The following DOP1B variants were observed in gnomAD, a reference collection of about 807,000 sequenced individuals.
DOP1B encodes protein DOP1B.
DOP1B carries 174 observed loss-of-function variants against 233.5 expected under a neutral mutation model. The observed-to-expected ratio is 0.75, with a 90% CI of 0.66 to 0.85. The LOEUF is 0.85. DOP1B is among the 40% of genes least tolerant of loss of function. DOP1B has a pLI of 0.00. For missense variants in DOP1B, 2,652 were observed against 2,846.6 expected, an observed-to-expected ratio of 0.93 and a Z score of 1.56; for synonymous variants, 1,190 against 1,185.6, an observed-to-expected ratio of 1.00 and a Z score of -0.08.
At chr21:36,254,225 G>A (rs1025477176) in intron 23 of DOP1B, among the ~76,000 whole-genome samples, 7 of 152,138 alleles carry the variant, frequency 4.6e-5, no homozygotes, top group Admixed American at 2.0e-4. Flanking sequence ...TTAGAAAGAG[G>A]AAATGGCACC....
chr21:36,257,630 ATAGATAGATAG>A (rs2067116991), intron 23 of DOP1B, among the ~76,000 whole-genome samples: 1 of 152,156 alleles, frequency 6.6e-6, no homozygotes, highest in Non-Finnish European at 1.5e-5. Context: ...AGATAGATAG[ATAGATAGATAG>A]AAGTAGTTAG....
chr21:36,194,327 G>C (rs1475939947), intron 2 of DOP1B, among the ~76,000 whole-genome samples: 2 of 152,148 alleles, frequency 1.3e-5, no homozygotes, highest in African/African-American at 2.4e-5. Flanking sequence ...GCTTGAACCT[G>C]TATGCTTGAG....
intron 19 of DOP1B, 68 bp from the exon 20 acceptor site, chr21:36,247,449 G>A (rs925578985): frequency 1.5e-5 from 17 of 1,119,616 alleles, no homozygotes; most frequent in Non-Finnish European, 2.2e-5. Flanking sequence ...TTTATATATA[G>A]GATTAGAAAC....
intron 18 of DOP1B, among the ~76,000 whole-genome samples, chr21:36,244,525 A>G (rs546215195): frequency 6.6e-6 from 1 of 152,092 alleles, no homozygotes; most frequent in African/African-American, 2.4e-5. Flanking sequence ...CCTGGGTTCA[A>G]ATGATTCTCC....
Position 36,164,883 on chromosome 21 carries a change from G to T in DOP1B, c.138+12G>T. The T allele has an allele frequency of 1.3e-6, 2 of 1,561,882 alleles. No homozygotes were observed. The highest frequency in any genetic ancestry group is 1.7e-6 in the Non-Finnish European group (2 of 1,156,018). On this transcript the variant is annotated intron_variant, in intron 2 of 36. Coordinates refer to ENST00000691173, the MANE Select transcript of DOP1B (RefSeq NM_001320714.2). ...GCAAACTCAACAAGGTATGTAGGGT[G>T]TATCCTATTTGGATTGCATGGAGGT...
rs140658958 is a variant in DOP1B at position 36,204,753 on chromosome 21, C to T, written c.492-3962C>T. ...CACTGCAACCTCCACCTCCCGGGTA[C>T]AAGCGATTCTCCTCCCTCAGCCTCC... On this transcript the variant is annotated intron_variant, in intron 4 of 36. Transcript: ENST00000691173. Among the ~76,000 whole-genome samples the T allele has an allele frequency of 3.6e-3, 539 of 151,424 alleles. 7 individuals are homozygous for T. Among genetic ancestry groups the T allele is most frequent in the African/African-American group, 0.013 (526 of 41,264 alleles).
In DOP1B at chr21:36,289,080, T is replaced by C. The variant is rs753607150; in HGVS notation, c.6389T>C (p.Val2130Ala). 2.4e-5 allele frequency: 38 copies of C among 1,612,816 alleles called. No homozygotes were observed. In the African/African-American group the frequency reaches 4.3e-4, roughly 18 times the overall value. ...AAAGTAAACAGAACGAAAGTTTCAG[T>C]CCCGGATGCAAATGGACCCTCAGTG... ...TNKVNRTKVS[V>A]PDANGPSVGE... The change falls in exon 35 of 37, where the codon GTC becomes GCC. Residue 2130 changes from valine (V) to alanine (A), a missense_variant. Physicochemically the swap from Val to Ala is moderately conservative, Grantham distance 64. This residue lies in a region of DOP1B where 2,617 missense variants were observed against 2,794.3 expected (regional missense o/e 0.94). Transcript: ENST00000691173.
chr21:36,268,464 A>G (rs2067253920), intron 26 of DOP1B, among the ~76,000 whole-genome samples: 3 of 152,166 alleles, frequency 2.0e-5, no homozygotes. Context: ...TTGTTCAAAC[A>G]CACGTTTTAC....
At chr21:36,214,259 G>T in intron 8 of DOP1B, 69 bp downstream of exon 8, 1 of 1,416,258 alleles carries the variant, frequency 7.1e-7, no homozygotes, top group East Asian at 2.3e-5. Context: ...TCTTTGGGAG[G>T]CTTCCACATA....
intron 2 of DOP1B, among the ~76,000 whole-genome samples, chr21:36,190,005 G>A (rs111584059): frequency 0.42 from 52,764 of 124,890 alleles, 10,258 homozygotes; most frequent in Admixed American, 0.47. Context: ...GCGATACTCC[G>A]TCTCAAAAAA....
intron 18 of DOP1B, among the ~76,000 whole-genome samples, chr21:36,240,631 A>C (rs988261571): frequency 6.6e-6 from 1 of 152,254 alleles, no homozygotes; most frequent in Non-Finnish European, 1.5e-5. Context: ...TAAACCTTTC[A>C]GTTCAGAGAA....
At chr21:36,205,218 C>T (rs1445690504) in intron 4 of DOP1B, among the ~76,000 whole-genome samples, 2 of 152,234 alleles carry the variant, frequency 1.3e-5, no homozygotes, top group African/African-American at 4.8e-5. Context: ...GTGCCCGGCC[C>T]ATGCCACTCA....
At chr21:36,263,898 C>T (rs1248982536) in intron 26 of DOP1B, 84 bp downstream of exon 26, 15 of 1,301,862 alleles carry the variant, frequency 1.2e-5, no homozygotes, top group Non-Finnish European at 1.5e-5. Context: ...AGCAGGTAGA[C>T]AAGAGACATT....
intron 2 of DOP1B, among the ~76,000 whole-genome samples, chr21:36,166,998 A>G (rs2065917384): frequency 6.6e-6 from 1 of 152,208 alleles, no homozygotes; most frequent in Non-Finnish European, 1.5e-5. Flanking sequence ...TTACAGCTCT[A>G]TCTCAGGAAT....
chr21:36,189,423 T>A (rs1164903443), intron 2 of DOP1B, among the ~76,000 whole-genome samples: 1 of 152,228 alleles, frequency 6.6e-6, no homozygotes, highest in Non-Finnish European at 1.5e-5. Flanking sequence ...CTTTTTAAAT[T>A]TTTTTAGCAC....
In DOP1B at chr21:36,264,458, T is replaced by C. The variant is rs2067210503; in HGVS notation, c.5487+644T>C. The stretch of plus-strand genomic sequence containing the variant: ...AGCTATCTCCATACATGGATATTTC[T>C]TTTTTTCTTTTTTTTTTTTTTGGGC... On this transcript the variant is annotated intron_variant, in intron 26 of 36. Transcript: ENST00000691173. Among the ~76,000 whole-genome samples the C allele has an allele frequency of 2.0e-5, 3 of 151,742 alleles. No individual in the cohort carries two copies. In the South Asian group the frequency reaches 6.2e-4, roughly 31 times the overall value.
At position 36,263,578 on chromosome 21, in the gene DOP1B, C is replaced by T. The variant is rs772305824; in HGVS notation, c.5348C>T (p.Ser1783Phe). The T allele has an allele frequency of 6.2e-7, 1 of 1,614,188 alleles. No individual in the cohort carries two copies. Among genetic ancestry groups the T allele is most frequent in the Non-Finnish European group, 8.5e-7 (1 of 1,180,042 alleles). The change falls in exon 25 of 37, where the codon TCT (serine) becomes TTT (phenylalanine). Residue 1783 changes from serine (S) to phenylalanine (F), a missense_variant. Around this residue, in one of 3 missense-constraint regions of DOP1B, gnomAD observed 2,617 missense variants for 2,794.3 expected, o/e 0.94. Transcript: ENST00000691173. ...GTACCAGCCTTGCAAGAGAACTTTTCTTCACTGTTGGGAGTATTGAAAGAG... is the reference window on the plus strand; with the variant it reads ...GTACCAGCCTTGCAAGAGAACTTTTTTTCACTGTTGGGAGTATTGAAAGAG... ...LPVPALQENF[S>F]SLLGVLKESV...
chr21:36,177,980 A>G (rs955770518), intron 2 of DOP1B, among the ~76,000 whole-genome samples: 1 of 151,692 alleles, frequency 6.6e-6, no homozygotes, highest in Non-Finnish European at 1.5e-5. Context: ...CACTATATAA[A>G]TTCTCCCAAG....
rs180878997 is a variant in DOP1B at position 36,197,998 on chromosome 21, C to T, written c.139-1072C>T. Among the ~76,000 whole-genome samples, 1,382 of 141,116 alleles carry T rather than the reference C, an allele frequency of 9.8e-3. 21 individuals carry two copies. Among genetic ancestry groups the T allele is most frequent in the African/African-American group, 0.033 (1,262 of 37,914 alleles). The allele number at this position is 141,116 out of a possible 152,430, so 92.6% of individuals were successfully genotyped here. A position where few individuals can be genotyped will look rare whatever the true frequency, so the allele number is the denominator to read the frequency against. On this transcript the variant is annotated intron_variant, in intron 2 of 36. Coordinates refer to ENST00000691173, the MANE Select transcript of DOP1B (RefSeq NM_001320714.2). ...TCATGCCATTGCACTCCGGCCTGGG[C>T]AACAGAGCAAGACTCCGTCTCAAAA...
Sources: gnomAD v4.1 joint callset for allele counts (sites outside exome capture counted in the v4.1 genomes callset) on GRCh38, gnomAD v4.1.1 for gene constraint, gnomAD v4.1.1 regional missense constraint, MANE v1.5 for transcripts, NCBI Gene and HGNC (gene_info 2026-07-23, HGNC 2026-07-21) for gene names.